Variants in USO1 observed in about 807,000 individuals in gnomAD.
USO1 encodes the protein general vesicular transport factor p115.
A neutral mutation model predicts 124.5 loss-of-function variants in USO1; 57 were observed. The observed-to-expected ratio is 0.46, with a 90% confidence interval of 0.37 to 0.57. The LOEUF (loss-of-function observed/expected upper bound fraction) is 0.57. USO1 is among the 20% of genes least tolerant of loss of function. The pLI, the probability that USO1 is intolerant of heterozygous loss-of-function variation, is 0.00. For synonymous variants in USO1, 369 were observed against 362.8 expected, an observed-to-expected ratio of 1.02 and a Z score of -0.19; for missense variants, 900 against 1,040.6, an observed-to-expected ratio of 0.86 and a Z score of 1.86.
At position 75,808,944 on chromosome 4, in the gene USO1, G is replaced by C. The variant is rs1319949516; in HGVS notation, c.2377-9G>C. On this transcript the variant is annotated splice_polypyrimidine_tract_variant and intron_variant, in intron 20 of 23. Transcript: ENST00000514213. ...TTAATGTTATGACTCAACTATTTTTGTCTCTTAGGAACTGGCAACTTTAAA... is the reference window on the plus strand; with the variant it reads ...TTAATGTTATGACTCAACTATTTTTCTCTCTTAGGAACTGGCAACTTTAAA... 1.3e-6 allele frequency: 2 copies of C among 1,582,546 alleles called. No homozygotes were observed. The highest frequency in any genetic ancestry group is 1.8e-5 in the Admixed American group (1 of 54,244).
At position 75,793,886 on chromosome 4, in the gene USO1, C is replaced by A. The variant is rs544263216; in HGVS notation, c.1437C>A (p.Thr479=). 3 of 1,613,848 alleles carry A rather than the reference C, an allele frequency of 1.9e-6. No homozygotes were observed. The highest frequency in any genetic ancestry group is 2.5e-6 in the Non-Finnish European group (3 of 1,179,850). Residue 479 remains threonine (T), a synonymous_variant, in exon 13 of 24, where the codon ACC becomes ACA. Transcript: ENST00000514213. ...CAGTTTCTTTACTTCAACAGTGCAC[C>A]AATATTCTTTCACAGGTAAAGTTTT... is the stretch of plus-strand genomic sequence containing the variant. ...NPPVSLLQQC[T]NILSQGSKIQ...
intron 1 of USO1, among the ~76,000 whole-genome samples, chr4:75,738,268 C>G (rs981973885): frequency 6.6e-6 from 1 of 151,866 alleles, no homozygotes; most frequent in Non-Finnish European, 1.5e-5. Flanking sequence ...ACCAGCCTGG[C>G]CAACATGGTC....
At chr4:75,762,214 A>C (rs945974882) in intron 4 of USO1, among the ~76,000 whole-genome samples, 15 of 119,396 alleles carry the variant, frequency 1.3e-4, no homozygotes, top group Non-Finnish European at 2.2e-4. Context: ...CTCTGTTGCC[A>C]GGCTAGGGTG....
At chr4:75,795,399 C>G (rs759440852) in intron 13 of USO1, 2 of 699,620 alleles carry the variant, frequency 2.9e-6, no homozygotes, top group Middle Eastern at 2.3e-4. Flanking sequence ...CCTCTTATAG[C>G]AAAGCTTTTT....
chr4:75,761,896 C>T (rs1721617673), intron 4 of USO1, among the ~76,000 whole-genome samples: 2 of 152,134 alleles, frequency 1.3e-5, no homozygotes, highest in Admixed American at 6.5e-5. Context: ...ACATTTGAAT[C>T]TCTTGTTTGA....
At chr4:75,811,596 G>GA in intron 22 of USO1, among the ~76,000 whole-genome samples, 1 of 152,226 alleles carries the variant, frequency 6.6e-6, no homozygotes, top group Admixed American at 6.5e-5. Context: ...ATATTATTGT[G>GA]TGACAGAGAC....
At chr4:75,774,897 A>G in intron 8 of USO1, 101 bp downstream of exon 8, 1 of 1,431,528 alleles carries the variant, frequency 7.0e-7, no homozygotes, top group South Asian at 1.7e-5. Context: ...ACTCTTATTT[A>G]TACTCTTTGT....
At position 75,782,718 on chromosome 4, in the gene USO1, T is replaced by G; in HGVS notation, c.715T>G (p.Leu239Val). ...AGATTGTTTGATTTTGCTCCAAAAC[T>G]TATTAAAAAACAACAACTCCAATCA... ...VEDCLILLQN[L>V]LKNNNSNQNF... The change falls in exon 9 of 24, where the codon TTA becomes GTA. Residue 239 changes from leucine (L) to valine (V), a missense_variant. Coordinates refer to ENST00000514213, the MANE Select transcript of USO1 (RefSeq NM_003715.4). 5 of 1,575,258 alleles carry G rather than the reference T, an allele frequency of 3.2e-6. No homozygotes were observed. Among genetic ancestry groups the G allele is most frequent in the Admixed American group, 1.9e-5 (1 of 53,104 alleles).
rs1722414134 is a variant in USO1, at chr4:75,788,111, GTC to G, written c.996+912_996+913del. Reference sequence around the variant, plus strand: ...CATCTTCCTAGGATTTCCTTTACTTGTCTCCTGACTTGGCTTCCTTGATTATC... The same window carrying G: ...CATCTTCCTAGGATTTCCTTTACTTGTCCTGACTTGGCTTCCTTGATTATC... On this transcript the variant is annotated intron_variant, in intron 10 of 23. Transcript: ENST00000514213. Among the ~76,000 whole-genome samples the G allele has an allele frequency of 3.3e-5, 5 of 149,886 alleles. No individual in the cohort carries two copies. The South Asian group carries it at 1.1e-3, about 32-fold the overall frequency.
At chr4:75,790,566 A>G in intron 11 of USO1, 77 bp from the exon 12 acceptor site, 1 of 1,517,900 alleles carries the variant, frequency 6.6e-7, no homozygotes, top group Non-Finnish European at 8.8e-7. Flanking sequence ...TCTTCAATCA[A>G]CAAAAATGAC....
intron 4 of USO1, among the ~76,000 whole-genome samples, chr4:75,758,417 A>G (rs1721503374): frequency 6.6e-6 from 1 of 152,210 alleles, no homozygotes; most frequent in Admixed American, 6.5e-5. Context: ...TGAGTAGACA[A>G]ATAATAAAGA....
chr4:75,749,714 G>A (rs1346753072), intron 1 of USO1, among the ~76,000 whole-genome samples: 6 of 148,048 alleles, frequency 4.1e-5, no homozygotes, highest in East Asian at 3.9e-4. Context: ...CTAATTGGCC[G>A]AGCTAGAAAG....
intron 13 of USO1, among the ~76,000 whole-genome samples, chr4:75,796,219 A>G (rs1577967826): frequency 6.6e-6 from 1 of 152,298 alleles, no homozygotes; most frequent in African/African-American, 2.4e-5. Context: ...TTTATATACA[A>G]TAAAATGCAC....
chr4:75,751,729 G>A (rs900667721), intron 1 of USO1, among the ~76,000 whole-genome samples: 2 of 151,430 alleles, frequency 1.3e-5, no homozygotes, highest in Non-Finnish European at 2.9e-5. Context: ...TTTTCAGGGG[G>A]GCCGAGGCAG....
intron 13 of USO1, among the ~76,000 whole-genome samples, chr4:75,797,076 A>C (rs2149186502): frequency 6.6e-6 from 1 of 152,132 alleles, no homozygotes; most frequent in Non-Finnish European, 1.5e-5. Context: ...TTGGAAGCTG[A>C]GGTGGGGGCA....
At chr4:75,740,044 A>T (rs1039517259) in intron 1 of USO1, among the ~76,000 whole-genome samples, 16 of 152,144 alleles carry the variant, frequency 1.1e-4, no homozygotes, top group Non-Finnish European at 4.4e-5. Context: ...ATTAAATAAG[A>T]TGTCTTTGGC....
chr4:75,785,132 T>C (rs938969308), intron 9 of USO1, among the ~76,000 whole-genome samples: 1 of 152,194 alleles, frequency 6.6e-6, no homozygotes, highest in Admixed American at 6.5e-5. Flanking sequence ...TAGAGTTGCT[T>C]GGATTTTAAG....
rs1234704903 is a variant in USO1, at chr4:75,787,165, T to C, written c.959T>C (p.Leu320Pro). Reference protein sequence around the residue: ...CGLLQQLCTILMATGVPADIL... With the variant: ...CGLLQQLCTIPMATGVPADIL... Reference sequence around the variant, plus strand: ...TTATTGCAGCAGCTTTGTACTATCCTAATGGCTACTGGGGTTCCTGCTGAT... The same window carrying C: ...TTATTGCAGCAGCTTTGTACTATCCCAATGGCTACTGGGGTTCCTGCTGAT... The change falls in exon 10 of 24, where the codon CTA becomes CCA. Residue 320 changes from leucine (L) to proline (P), a missense_variant. Transcript: ENST00000514213. 1.3e-6 allele frequency: 2 copies of C among 1,583,680 alleles called. No individual in the cohort carries two copies. Among genetic ancestry groups the C allele is most frequent in the Non-Finnish European group, 1.7e-6 (2 of 1,166,674 alleles).
At chr4:75,757,677 T>G in intron 4 of USO1, 104 bp downstream of exon 4, 1 of 1,090,116 alleles carries the variant, frequency 9.2e-7, no homozygotes, top group African/African-American at 1.6e-5. Flanking sequence ...AATGTATAAG[T>G]TTTTTTACTT....
Sources: gnomAD v4.1 joint callset for allele counts (sites outside exome capture counted in the v4.1 genomes callset) on GRCh38, gnomAD v4.1.1 for gene constraint, MANE v1.5 for transcripts, NCBI Gene and HGNC (gene_info 2026-07-23, HGNC 2026-07-21) for gene names.